The following GRM7 variants were observed in gnomAD, a reference collection of about 807,000 sequenced individuals.
GRM7 encodes glutamate metabotropic receptor 7.
GRM7 carries 35 observed loss-of-function variants against 84.5 expected under a neutral mutation model. The ratio of observed to expected loss-of-function variants is 0.41; its 90% confidence interval spans 0.32 to 0.55. The LOEUF is 0.55. Ranked by LOEUF, GRM7 falls within the 20% of genes least tolerant of loss-of-function variation. The pLI, the probability that GRM7 is intolerant of heterozygous loss-of-function variation, is 0.19. For missense variants in GRM7, 1,003 were observed against 1,194.6 expected (o/e 0.84, Z 2.36); for synonymous variants, 487 against 455.1 (o/e 1.07, Z -0.89).
At chr3:7,169,678 C>A (rs1423649598) in intron 2 of GRM7, among the ~76,000 whole-genome samples, 2 of 152,116 alleles carry the variant, frequency 1.3e-5, no homozygotes, top group African/African-American at 4.8e-5. Flanking sequence ...CCCCTTATGA[C>A]ACGAACATGG....
At chr3:7,366,039 T>G (rs1693877079) in intron 4 of GRM7, among the ~76,000 whole-genome samples, 1 of 151,716 alleles carries the variant, frequency 6.6e-6, no homozygotes. Context: ...ATTTTTCCAT[T>G]CCTACTTTTG....
chr3:7,560,838 C>CTTA (rs1693989696), intron 7 of GRM7, among the ~76,000 whole-genome samples: 1 of 152,116 alleles, frequency 6.6e-6, no homozygotes. Flanking sequence ...CTGTTTAACA[C>CTTA]TTATTATAAT....
chr3:7,357,596 G>A (rs1043521475), intron 4 of GRM7, among the ~76,000 whole-genome samples: 3 of 152,062 alleles, frequency 2.0e-5, no homozygotes, highest in Non-Finnish European at 4.4e-5. Context: ...AAATCAGAAT[G>A]TTTTATTACA....
intron 9 of GRM7, chr3:7,691,041 T>G (rs930497305): frequency 2.2e-5 from 3 of 139,022 alleles, no homozygotes; most frequent in Non-Finnish European, 3.9e-5. Context: ...CTTTGCAGAT[T>G]TTTTTTTTTG....
intron 1 of GRM7, among the ~76,000 whole-genome samples, chr3:6,959,773 C>T (rs1314644186): frequency 6.6e-6 from 1 of 152,086 alleles, no homozygotes; most frequent in Non-Finnish European, 1.5e-5. Context: ...GATCATCAGC[C>T]CATAATCATG....
In GRM7 at chr3:7,524,792, G is replaced by A. The variant is rs1319788181; in HGVS notation, c.1516-53630G>A. On this transcript the variant is annotated intron_variant, in intron 7 of 9. Transcript: ENST00000357716. ...ATATACCCAAAGGACTATAAATCAT[G>A]CTGCTATAAAGACACGTGCACACGT... Among the ~76,000 whole-genome samples, 153 of 88,692 alleles carry A rather than the reference G, an allele frequency of 1.7e-3. 28 individuals are homozygous for A. Among genetic ancestry groups the A allele is most frequent in the South Asian group, 2.0e-3 (5 of 2,468 alleles). 58.2% of individuals were successfully genotyped at this position (88,692 alleles called of 152,430 possible).
chr3:7,213,381 T>C (rs144214919), intron 2 of GRM7, among the ~76,000 whole-genome samples: 3 of 152,166 alleles, frequency 2.0e-5, no homozygotes, highest in African/African-American at 7.2e-5. Flanking sequence ...TAGCAAATCA[T>C]ACAACTTAAG....
chr3:6,992,239 T>C lies in GRM7; in HGVS notation c.519+130332T>C, dbSNP rs370245699. Among the ~76,000 whole-genome samples, 3 of 152,316 alleles carry C rather than the reference T, an allele frequency of 2.0e-5. No individual in the cohort carries two copies. In the East Asian group the frequency reaches 5.8e-4, roughly 29 times the overall value. ...CATGATTTACTACTATTCAATACAC[T>C]CAATTCAACAAGTACTTATTGCATC... On this transcript the variant is annotated intron_variant, in intron 1 of 9. Transcript: ENST00000357716.
intron 4 of GRM7, among the ~76,000 whole-genome samples, chr3:7,324,884 T>TAC (rs1172205047): frequency 6.6e-6 from 1 of 152,200 alleles, no homozygotes; most frequent in Non-Finnish European, 1.5e-5. Context: ...GCCCAGCACC[T>TAC]GTAGAATCTA....
At chr3:7,030,682 C>T (rs1696154524) in intron 1 of GRM7, among the ~76,000 whole-genome samples, 1 of 152,100 alleles carries the variant, frequency 6.6e-6, no homozygotes, top group Non-Finnish European at 1.5e-5. Context: ...AGATAGAATG[C>T]ATTCGTTTGG....
chr3:6,870,432 A>G (rs1695084468), intron 1 of GRM7, among the ~76,000 whole-genome samples: 1 of 152,172 alleles, frequency 6.6e-6, no homozygotes, highest in Admixed American at 6.5e-5. Context: ...GGCTGAGTAG[A>G]GTCAATGAGG....
chr3:7,021,650 GTAGTT>G (rs1311399726), intron 1 of GRM7, among the ~76,000 whole-genome samples: 3 of 152,172 alleles, frequency 2.0e-5, no homozygotes, highest in African/African-American at 7.2e-5. Context: ...TTAAGACAAA[GTAGTT>G]TTTAATTGTA....
intron 1 of GRM7, among the ~76,000 whole-genome samples, chr3:7,004,521 T>C (rs192555592): frequency 2.0e-5 from 3 of 152,324 alleles, no homozygotes; most frequent in Admixed American, 2.0e-4. Flanking sequence ...ACTCATCTTA[T>C]GCTTGAAAGG....
chr3:7,452,172 A>C (rs1475095661), intron 5 of GRM7, among the ~76,000 whole-genome samples: 3 of 152,198 alleles, frequency 2.0e-5, no homozygotes, highest in African/African-American at 7.2e-5. Context: ...TAATACTAAC[A>C]ATCGAGACAG....
At chr3:7,321,099 C>A (rs17031855) in intron 4 of GRM7, among the ~76,000 whole-genome samples, 9,194 of 151,774 alleles carry the variant, frequency 0.061, 732 homozygotes, top group African/African-American at 0.18. Context: ...TACAGACATA[C>A]AGTAAAGTCA....
intron 1 of GRM7, among the ~76,000 whole-genome samples, chr3:6,898,302 G>A (rs905013110): frequency 6.6e-6 from 1 of 151,134 alleles, no homozygotes; most frequent in Non-Finnish European, 1.5e-5. Context: ...GGCGTGAAAG[G>A]AAAATTTGGG....
chr3:6,890,908 G>T (rs138342160), intron 1 of GRM7, among the ~76,000 whole-genome samples: 2 of 152,096 alleles, frequency 1.3e-5, no homozygotes, highest in African/African-American at 4.8e-5. Context: ...TTATGAACCT[G>T]GGTGCTCCTG....
chr3:7,291,419 A>G (rs879058930), intron 2 of GRM7, among the ~76,000 whole-genome samples: 1 of 151,316 alleles, frequency 6.6e-6, no homozygotes, highest in Non-Finnish European at 1.5e-5. Flanking sequence ...GCTGTGGCCT[A>G]GTGGTGCCAA....
In GRM7 at chr3:7,075,507, T is replaced by C. The variant is rs906165075; in HGVS notation, c.520-70945T>C. ...TTCTTGCTTCTCAGATGTGTGTGTG[T>C]GTGTGTGTGTGTGTGTGTGTGTGTG... On this transcript the variant is annotated intron_variant, in intron 1 of 9. Coordinates refer to ENST00000357716, the MANE Select transcript of GRM7 (RefSeq NM_000844.4). 3.9e-3 allele frequency among the ~76,000 whole-genome samples: 368 copies of C among 94,556 alleles called. 3 individuals carry two copies. The highest frequency in any genetic ancestry group is 0.01 in the African/African-American group (350 of 33,428). 62.0% of individuals were successfully genotyped at this position (94,556 alleles called of 152,430 possible).
Sources: gnomAD v4.1 joint callset for allele counts (sites outside exome capture counted in the v4.1 genomes callset) on GRCh38, gnomAD v4.1.1 for gene constraint, MANE v1.5 for transcripts, NCBI Gene and HGNC (gene_info 2026-07-23, HGNC 2026-07-21) for gene names.